The following PNPO variants were observed in gnomAD, a reference collection of about 807,000 sequenced individuals.
PNPO encodes pyridoxamine 5'-phosphate oxidase.
A neutral mutation model predicts 35.0 loss-of-function variants in PNPO; 39 were observed. The observed-to-expected ratio is 1.11, with a 90% CI of 0.86 to 1.45. The LOEUF is 1.45. Among genes scored for constraint, PNPO ranks in the 40% most tolerant of loss-of-function variants. PNPO has a pLI of 0.00. For missense variants in PNPO, 288 were observed against 340.0 expected (o/e 0.85, Z 1.20); for synonymous variants, 115 against 119.8 (o/e 0.96, Z 0.26).
chr17:47,944,200 C>CCT (rs144711217), intron 2 of PNPO, among the ~76,000 whole-genome samples: 4 of 142,152 alleles, frequency 2.8e-5, no homozygotes, highest in African/African-American at 1.1e-4. Flanking sequence ...CACTGCCTTT[C>CCT]GTGTGTGTGT....
At chr17:47,944,862 T>C in intron 3 of PNPO, 147 bp downstream of exon 3, 1 of 717,480 alleles carries the variant, frequency 1.4e-6, no homozygotes, top group Non-Finnish European at 2.5e-6. Context: ...TGGCACTTGC[T>C]GTGCTCTTTG....
In PNPO at chr17:47,945,457, G is replaced by T. The variant is rs942156346; in HGVS notation, c.364-102G>T. ...ATGAGCTCTTACGGTGGGTGCATCT[G>T]CTGTGGGCCTGCGCACTACAGCTCT... On this transcript the variant is annotated intron_variant, in intron 3 of 6. Transcript: ENST00000642017. This position sits in a 1 kb window ranked among gnomAD's most constrained non-coding sequence, Gnocchi z 4.0. 1.1e-5 allele frequency: 10 copies of T among 877,276 alleles called. No individual in the cohort carries two copies. In the African/African-American group the frequency reaches 1.5e-4, roughly 13 times the overall value. The allele number at this position is 877,276 out of a possible 1,614,324, so 54.3% of individuals were successfully genotyped here.
In PNPO at chr17:47,941,687, G is replaced by C. The variant is rs773614378; in HGVS notation, c.12G>C (p.Trp4Cys). 6.5e-7 allele frequency: 1 copy of C among 1,539,460 alleles called. No individual in the cohort carries two copies. The highest frequency in any genetic ancestry group is 1.2e-5 in the South Asian group (1 of 83,652). The change falls in exon 1 of 7, where the codon TGG (tryptophan) becomes TGC (cysteine). Residue 4 changes from tryptophan to cysteine, a missense_variant. Physicochemically the swap from Trp to Cys is radical, Grantham distance 215. Coordinates refer to ENST00000642017, the MANE Select transcript of PNPO (RefSeq NM_018129.4). ...GCCGGCGGCCCCCCATGACGTGCTG[G>C]CTGCGGGGCGTCACGGCGACGTTCG... Reference protein sequence around the residue: MTCWLRGVTATFGR... With the variant: MTCCLRGVTATFGR...
In PNPO at chr17:47,948,857, T is replaced by C. The variant is rs2036040666; in HGVS notation, c.*2075T>C. The C allele has an allele frequency of 1.3e-5, 2 of 152,254 alleles. No homozygotes were observed. The highest frequency in any genetic ancestry group is 4.8e-5 in the African/African-American group (2 of 41,468). 9.4% of individuals were successfully genotyped at this position (152,254 alleles called of 1,614,324 possible). ...GAGAAGAGCCAGGCTGGGTAAATGT[T>C]TGCTGTGACTAAGCCAGGATCAAAG... On this transcript the variant is annotated 3_prime_UTR_variant, in exon 7 of 7. Transcript: ENST00000642017.
chr17:47,943,240 G>A, intron 1 of PNPO, 66 bp from the exon 2 acceptor site: 2 of 1,338,254 alleles, frequency 1.5e-6, no homozygotes, highest in Middle Eastern at 2.3e-4. Context: ...AAAGTGACTA[G>A]AACAGTGCCA....
chr17:47,946,290 C>G, intron 5 of PNPO, 33 bp from the exon 6 acceptor site: 3 of 1,490,244 alleles, frequency 2.0e-6, no homozygotes, highest in Non-Finnish European at 2.8e-6. Context: ...TTGACTGGGC[C>G]TGGCCCTTCT....
chr17:47,944,494 G>A (rs1187268858), intron 2 of PNPO, 122 bp from the exon 3 acceptor site: 2 of 812,118 alleles, frequency 2.5e-6, no homozygotes, highest in Admixed American at 1.7e-5. Context: ...GGACGGGGTA[G>A]CCTGACAGCC....
rs891457932 is a variant in PNPO at position 47,945,580 on chromosome 17, C to T, written c.385C>T (p.Leu129Phe). The T allele has an allele frequency of 2.8e-5, 45 of 1,613,462 alleles. No homozygotes were observed. The highest frequency in any genetic ancestry group is 3.8e-5 in the Non-Finnish European group (45 of 1,179,510). The change falls in exon 4 of 7, where the codon CTT becomes TTT. Residue 129 changes from leucine to phenylalanine, a missense_variant. Physicochemically the swap from Leu to Phe is conservative, Grantham distance 22. Coordinates refer to ENST00000642017, the MANE Select transcript of PNPO (RefSeq NM_018129.4). This position sits in a 1 kb window ranked among gnomAD's most constrained non-coding sequence, Gnocchi z 4.0. ...CTAGGACTCTAATCCCTTTGCTTCC[C>T]TTGTCTTCTACTGGGAGCCACTTAA... ...KELDSNPFASLVFYWEPLNRQ... is the reference protein window; with the variant it reads ...KELDSNPFASFVFYWEPLNRQ...
At chr17:47,941,983 T>C (rs1277679209) in intron 1 of PNPO, 170 bp downstream of exon 1, 1 of 1,346,206 alleles carries the variant, frequency 7.4e-7, no homozygotes, top group East Asian at 2.8e-5. Flanking sequence ...TTCAAAGACA[T>C]CCCACCAGGG....
rs1441874446 is a variant in PNPO at position 47,949,098 on chromosome 17, C to T, written c.*2316C>T. On this transcript the variant is annotated 3_prime_UTR_variant, in exon 7 of 7. Transcript: ENST00000642017. ...GAGGGTGTTGGGTGCCCTTACCTAC[C>T]TTGCCCTTTTTCTTGTACCGTAGGC... The T allele has an allele frequency of 6.6e-6, 1 of 152,388 alleles. No homozygotes were observed. The highest frequency in any genetic ancestry group is 2.4e-5 in the African/African-American group (1 of 41,454). 9.4% of individuals were successfully genotyped at this position (152,388 alleles called of 1,614,324 possible).
chr17:47,945,892 C>T lies in PNPO; in HGVS notation c.449C>T (p.Pro150Leu). Residue 150 changes from proline to leucine, a missense_variant, in exon 5 of 7, where the codon CCT (proline) becomes CTT (leucine). Pro to Leu is a moderately conservative substitution (Grantham distance 98). Coordinates refer to ENST00000642017, the MANE Select transcript of PNPO (RefSeq NM_018129.4). The surrounding 1 kb of genome is among the most constrained non-coding windows in gnomAD (Gnocchi z 4.0). ...VRVEGPVKKLPEEEAECYFHS... is the reference protein window; with the variant it reads ...VRVEGPVKKLLEEEAECYFHS... ...GTGGAAGGCCCTGTGAAGAAACTGCCTGAGGAGGAGGCTGAGTGCTACTTC... is the reference window on the plus strand; with the variant it reads ...GTGGAAGGCCCTGTGAAGAAACTGCTTGAGGAGGAGGCTGAGTGCTACTTC... The T allele has an allele frequency of 3.7e-6, 6 of 1,613,878 alleles. No individual in the cohort carries two copies. The highest frequency in any genetic ancestry group is 5.1e-6 in the Non-Finnish European group (6 of 1,180,038).
At chr17:47,946,105 A>G in intron 5 of PNPO, 116 bp downstream of exon 5, 2 of 1,341,930 alleles carry the variant, frequency 1.5e-6, no homozygotes, top group African/African-American at 1.4e-5. Flanking sequence ...TCTCCAGCCC[A>G]GTGAAAACAG....
chr17:47,946,638 G>C lies in PNPO; in HGVS notation c.642G>C (p.Gln214His), dbSNP rs2036013265. 1 of 1,614,110 alleles carries C rather than the reference G, an allele frequency of 6.2e-7. No homozygotes were observed. The highest frequency in any genetic ancestry group is 1.1e-5 in the South Asian group (1 of 91,084). ...KSWGGYVLYP[Q>H]VMEFWQGQTN... is the part of the protein sequence containing the mutation. ...GGGGTGGCTATGTCCTGTACCCTCAGGTGATGGAGTTCTGGCAAGGTCAAA... is the reference window on the plus strand; with the variant it reads ...GGGGTGGCTATGTCCTGTACCCTCACGTGATGGAGTTCTGGCAAGGTCAAA... The change falls in exon 7 of 7, where the codon CAG becomes CAC. Residue 214 changes from glutamine to histidine, a missense_variant. Transcript: ENST00000642017.
rs754626928 is a variant in PNPO, at chr17:47,947,932, A to G, written c.*1150A>G. ...GCTGGGATTACAGACATGAGCCACCACGCTTGGCCGGGATAGTATATTTTT... is the reference window on the plus strand; with the variant it reads ...GCTGGGATTACAGACATGAGCCACCGCGCTTGGCCGGGATAGTATATTTTT... On this transcript the variant is annotated 3_prime_UTR_variant, in exon 7 of 7. Coordinates refer to ENST00000642017, the MANE Select transcript of PNPO (RefSeq NM_018129.4). 1 of 152,188 alleles carries G rather than the reference A, an allele frequency of 6.6e-6. No individual in the cohort carries two copies. The highest frequency in any genetic ancestry group is 1.5e-5 in the Non-Finnish European group (1 of 68,056). The allele number at this position is 152,188 out of a possible 1,614,324, so 9.4% of individuals were successfully genotyped here.
In PNPO at chr17:47,941,744, T is replaced by C; in HGVS notation, c.69T>C (p.Ser23=). 1 of 1,556,486 alleles carries C rather than the reference T, an allele frequency of 6.4e-7. No individual in the cohort carries two copies. Among genetic ancestry groups the C allele is most frequent in the Non-Finnish European group, 8.7e-7 (1 of 1,149,990 alleles). ...CTGCCGAGTGGCCAGGCTACCTCAG[T>C]CACCTGTGTGGTCGCAGTGCTGCCA... is the stretch of plus-strand genomic sequence containing the variant. ...GRPAEWPGYL[S]HLCGRSAAMD... is the part of the protein sequence containing the mutation. The change falls in exon 1 of 7, where the codon AGT becomes AGC. Residue 23 remains serine, a synonymous_variant. Transcript: ENST00000642017.
At position 47,945,159 on chromosome 17, in the gene PNPO, T is replaced by TGATA. The variant is rs1282870178; in HGVS notation, c.364-399_364-398insATAG. ...GGAGGCTGCTCTGTTTTATCTCTGC[T>TGATA]GTATCCCCCGCACGTCTCCTGTTGT... On this transcript the variant is annotated intron_variant, in intron 3 of 6. Coordinates refer to ENST00000642017, the MANE Select transcript of PNPO (RefSeq NM_018129.4). The surrounding 1 kb of genome is among the most constrained non-coding windows in gnomAD (Gnocchi z 4.0). 7.9e-6 allele frequency: 3 copies of TGATA among 381,156 alleles called. No individual in the cohort carries two copies. Among genetic ancestry groups the TGATA allele is most frequent in the Admixed American group, 3.8e-5 (1 of 26,160 alleles). The allele number at this position is 381,156 out of a possible 1,614,324, so 23.6% of individuals were successfully genotyped here.
intron 6 of PNPO, 72 bp from the exon 7 acceptor site, chr17:47,946,542 A>G (rs2036011288): frequency 6.5e-7 from 1 of 1,528,780 alleles, no homozygotes; most frequent in South Asian, 1.1e-5. Context: ...CCCTGGGATG[A>G]GGGGTGAGGG....
Position 47,948,500 on chromosome 17 carries a change from C to T in PNPO, c.*1718C>T, listed in dbSNP as rs564277151. On this transcript the variant is annotated 3_prime_UTR_variant, in exon 7 of 7. Transcript: ENST00000642017. ...CTGGGCACTGGGAAATTTAAAAACT[C>T]CCCAGATAATTCTGTGCAGCCAAGG... 4.6e-5 allele frequency: 7 copies of T among 152,306 alleles called. No homozygotes were observed. The East Asian group carries it at 1.3e-3, about 29-fold the overall frequency. 9.4% of individuals were successfully genotyped at this position (152,306 alleles called of 1,614,324 possible). A position where few individuals can be genotyped will look rare whatever the true frequency, so the allele number is the denominator to read the frequency against.
Position 47,943,436 on chromosome 17 carries a change from C to A in PNPO, c.263+6C>A. The A allele has an allele frequency of 6.2e-7, 1 of 1,613,306 alleles. No homozygotes were observed. Among genetic ancestry groups the A allele is most frequent in the Non-Finnish European group, 8.5e-7 (1 of 1,179,452 alleles). On this transcript the variant is annotated splice_donor_region_variant and intron_variant, in intron 2 of 6. Coordinates refer to ENST00000642017, the MANE Select transcript of PNPO (RefSeq NM_018129.4). ...TGTCTGGCTACCTGCACCAGGTGGGCATGGCTGTGGGCCCCTCTTTGGGTG... is the reference window on the plus strand; with the variant it reads ...TGTCTGGCTACCTGCACCAGGTGGGAATGGCTGTGGGCCCCTCTTTGGGTG...
Sources: gnomAD v4.1 joint callset for allele counts (sites outside exome capture counted in the v4.1 genomes callset) on GRCh38, gnomAD v4.1.1 for gene constraint, Gnocchi (gnomAD v3.1) non-coding constraint, MANE v1.5 for transcripts, NCBI Gene and HGNC (gene_info 2026-07-23, HGNC 2026-07-21) for gene names.